LINGO2: variants seen among roughly 807,000 people sequenced by gnomAD.
LINGO2 encodes the protein leucine-rich repeat and immunoglobulin-like domain-containing nogo receptor-interacting protein 2.
In LINGO2, 14 loss-of-function variants were observed where a neutral mutation model predicts 30.6. That is an observed-to-expected ratio of 0.46 (90% confidence interval 0.30 to 0.72). The LOEUF (loss-of-function observed/expected upper bound fraction) is 0.72, where lower values mean the gene tolerates loss of function less well. Ranked by LOEUF, LINGO2 falls within the 30% of genes least tolerant of loss-of-function variation. The pLI is 0.07. For missense variants in LINGO2, 729 were observed against 751.7 expected, an observed-to-expected ratio of 0.97 and a Z score of 0.35; for synonymous variants, 317 against 288.5, an observed-to-expected ratio of 1.10 and a Z score of -1.00.
the LINGO2 span, among the ~76,000 whole-genome samples, chr9:29,167,875 T>C: frequency 6.6e-5 from 10 of 152,180 alleles, no homozygotes; most frequent in African/African-American, 2.4e-4. Flanking sequence ...AAATGGCTTA[T>C]GTACCCTGTT....
intron 4 of LINGO2, among the ~76,000 whole-genome samples, chr9:28,038,315 G>C (rs1336369663): frequency 2.6e-5 from 4 of 152,152 alleles, no homozygotes; most frequent in Non-Finnish European, 5.9e-5. Context: ...GAGGATGTGG[G>C]AAACTAAGTA....
the LINGO2 span, among the ~76,000 whole-genome samples, chr9:28,700,629 G>A: frequency 5.9e-5 from 9 of 152,168 alleles, no homozygotes; most frequent in South Asian, 2.1e-4. Context: ...GTGTGTATGC[G>A]TATGTACAAA....
At chr9:28,001,859 G>T (rs1387367840) in intron 5 of LINGO2, among the ~76,000 whole-genome samples, 1 of 152,118 alleles carries the variant, frequency 6.6e-6, no homozygotes, top group African/African-American at 2.4e-5. Context: ...GCTCTAAGAA[G>T]ATCTACTCCA....
chr9:29,102,868 T>C, the LINGO2 span, among the ~76,000 whole-genome samples: 2 of 152,066 alleles, frequency 1.3e-5, no homozygotes, highest in African/African-American at 4.8e-5. Flanking sequence ...TTAGAAAGCA[T>C]TCTCTCTACT....
chr9:28,832,173 T>C, the LINGO2 span, among the ~76,000 whole-genome samples: 3 of 152,198 alleles, frequency 2.0e-5, no homozygotes, highest in Non-Finnish European at 4.4e-5. Flanking sequence ...TAAATTAATA[T>C]CAATAAAGAA....
chr9:27,977,501 TATAAATAAAAA>T (rs1274102018), intron 5 of LINGO2, among the ~76,000 whole-genome samples: 7 of 151,930 alleles, frequency 4.6e-5, no homozygotes, highest in Non-Finnish European at 1.0e-4. Flanking sequence ...TGACTACAAG[TATAAATAAAAA>T]TAATCTATTC....
At chr9:28,353,030 A>C (rs1479906936) in intron 3 of LINGO2, among the ~76,000 whole-genome samples, 1 of 151,058 alleles carries the variant, frequency 6.6e-6, no homozygotes, top group Non-Finnish European at 1.5e-5. Flanking sequence ...TAAACGTTAG[A>C]CCTAAAACCA....
chr9:28,451,947 T>G (rs894491226), intron 2 of LINGO2, among the ~76,000 whole-genome samples: 3 of 151,714 alleles, frequency 2.0e-5, no homozygotes, highest in Admixed American at 6.6e-5. Context: ...TTTTTAAAGC[T>G]TCTTGACCAT....
chr9:29,107,335 T>C, the LINGO2 span, among the ~76,000 whole-genome samples: 1 of 152,134 alleles, frequency 6.6e-6, no homozygotes, highest in South Asian at 2.1e-4. Context: ...AAAAATAATA[T>C]TTTTGTACTT....
At chr9:29,084,042 A>G in the LINGO2 span, among the ~76,000 whole-genome samples, 5 of 152,128 alleles carry the variant, frequency 3.3e-5, no homozygotes, top group African/African-American at 4.8e-5. Context: ...GAAAAAATCA[A>G]AAATGTAATT....
the LINGO2 span, among the ~76,000 whole-genome samples, chr9:29,162,579 C>T: frequency 1.3e-5 from 2 of 151,962 alleles, no homozygotes; most frequent in Non-Finnish European, 2.9e-5. Context: ...AGTAATGAAT[C>T]AATGGATATG....
At chr9:27,952,127 G>A (rs1819343896) in intron 5 of LINGO2, among the ~76,000 whole-genome samples, 1 of 151,916 alleles carries the variant, frequency 6.6e-6, no homozygotes, top group Non-Finnish European at 1.5e-5. Context: ...CAACTAAAAT[G>A]ATTAGAACAG....
the LINGO2 span, among the ~76,000 whole-genome samples, chr9:28,704,914 T>C: frequency 2.1e-4 from 32 of 152,060 alleles, no homozygotes; most frequent in African/African-American, 7.2e-4. Context: ...GGATCTGATG[T>C]TATTCAATTG....
the LINGO2 span, among the ~76,000 whole-genome samples, chr9:29,005,636 G>A: frequency 1.3e-5 from 2 of 151,996 alleles, no homozygotes; most frequent in East Asian, 3.9e-4. Context: ...ATTGCTTCCA[G>A]GACACCCATG....
chr9:28,633,572 T>G (rs890110816), intron 1 of LINGO2, among the ~76,000 whole-genome samples: 5 of 152,188 alleles, frequency 3.3e-5, no homozygotes, highest in African/African-American at 1.2e-4. Flanking sequence ...TTCAGTAACA[T>G]GTACTTTAAT....
chr9:28,849,868 T>C, the LINGO2 span, among the ~76,000 whole-genome samples: 1 of 152,032 alleles, frequency 6.6e-6, no homozygotes, highest in Non-Finnish European at 1.5e-5. Flanking sequence ...TCTGCTCCCT[T>C]GTTTTAGTAC....
chr9:28,416,896 G>T (rs1206721449), intron 2 of LINGO2, among the ~76,000 whole-genome samples: 1 of 152,050 alleles, frequency 6.6e-6, no homozygotes, highest in Non-Finnish European at 1.5e-5. Flanking sequence ...CTTAGATGAA[G>T]AATTGTACAT....
chr9:28,761,005 CTGAT>C, the LINGO2 span, among the ~76,000 whole-genome samples: 2 of 150,352 alleles, frequency 1.3e-5, no homozygotes, highest in East Asian at 4.0e-4. Context: ...TATCCACTCA[CTGAT>C]TGATGGGCAT....
intron 5 of LINGO2, among the ~76,000 whole-genome samples, chr9:28,007,480 C>T (rs1182526023): frequency 6.6e-6 from 1 of 152,058 alleles, no homozygotes; most frequent in East Asian, 1.9e-4. Context: ...TGAAAATGTC[C>T]TTTTAATTAT....
Sources: allele counts gnomAD v4.1 joint callset (sites outside exome capture counted in the v4.1 genomes callset), GRCh38; gene constraint gnomAD v4.1.1; transcripts MANE v1.5; gene names NCBI Gene and HGNC (gene_info 2026-07-23, HGNC 2026-07-21).